ATXN3: variants seen among roughly 807,000 people sequenced by gnomAD.
ATXN3 encodes the protein ataxin 3.
A neutral mutation model predicts 58.2 loss-of-function variants in ATXN3; 28 were observed. That is an observed-to-expected ratio of 0.48 (90% CI 0.36 to 0.66). The LOEUF is 0.66. Among genes scored for constraint, ATXN3 ranks in the 30% least tolerant of loss-of-function variants. The pLI, the probability that ATXN3 is intolerant of heterozygous loss-of-function variation, is 0.00. For synonymous variants in ATXN3, 113 were observed against 138.5 expected (o/e 0.82, Z 1.29); for missense variants, 321 against 422.1 (o/e 0.76, Z 2.10).
intron 9 of ATXN3, among the ~76,000 whole-genome samples, chr14:92,074,012 CAAA>C (rs554711538): frequency 0.052 from 3,851 of 74,572 alleles, 194 homozygotes; most frequent in African/African-American, 0.16. Flanking sequence ...GACTCCACCT[CAAA>C]AAAAAAAAAA....
At position 92,100,245 on chromosome 14, in the gene ATXN3, G is replaced by T. The variant is rs77970066; in HGVS notation, c.25-3407C>A. Among the ~76,000 whole-genome samples the T allele has an allele frequency of 8.5e-5, 13 of 152,212 alleles. No individual in the cohort carries two copies. In the East Asian group the frequency reaches 2.5e-3, roughly 29 times the overall value. ...AAAGCTTAATATATACATCTCCTATGATCTAGCAATTCCATTACTAGGTAC... is the reference window on the plus strand; with the variant it reads ...AAAGCTTAATATATACATCTCCTATTATCTAGCAATTCCATTACTAGGTAC... On this transcript the variant is annotated intron_variant, in intron 1 of 10. Transcript: ENST00000644486.
At chr14:92,073,647 G>C (rs1434814933) in intron 9 of ATXN3, 1 of 152,188 alleles carries the variant, frequency 6.6e-6, no homozygotes, top group Non-Finnish European at 1.5e-5. Flanking sequence ...GACCAGCCTG[G>C]CCAACATGGT....
chr14:92,065,026 A>G (rs1463990906), intron 10 of ATXN3, among the ~76,000 whole-genome samples: 1 of 152,224 alleles, frequency 6.6e-6, no homozygotes, highest in Non-Finnish European at 1.5e-5. Context: ...ACGTGTATTC[A>G]TGTAACCACC....
chr14:92,081,151 C>A, intron 8 of ATXN3, 90 bp from the exon 9 acceptor site: 1 of 883,760 alleles, frequency 1.1e-6, no homozygotes, highest in Non-Finnish European at 1.8e-6. Context: ...TTGAGTAAGC[C>A]TTTAAAACGT....
chr14:92,075,174 T>G (rs2060138970), intron 9 of ATXN3, among the ~76,000 whole-genome samples: 1 of 113,180 alleles, frequency 8.8e-6, no homozygotes, highest in Non-Finnish European at 1.8e-5. Context: ...TTTTTTTTTT[T>G]TTTTTTTGAG....
intron 5 of ATXN3, among the ~76,000 whole-genome samples, chr14:92,091,361 G>A (rs1277440578): frequency 1.3e-5 from 2 of 151,980 alleles, no homozygotes; most frequent in African/African-American, 4.8e-5. Flanking sequence ...TGAGACAAGA[G>A]AATTGCTTGA....
chr14:92,069,072 G>C, intron 10 of ATXN3, among the ~76,000 whole-genome samples: 1 of 144,134 alleles, frequency 6.9e-6, no homozygotes, highest in Admixed American at 6.8e-5. Context: ...GATGAATAAA[G>C]ATGCTATAAT....
chr14:92,048,747 G>A (rs1434695333), intron 1 of ATXN3, among the ~76,000 whole-genome samples: 5 of 152,128 alleles, frequency 3.3e-5, no homozygotes, highest in African/African-American at 9.7e-5. Context: ...TATAGGGTGG[G>A]GGACCGGAGG....
intron 5 of ATXN3, among the ~76,000 whole-genome samples, chr14:92,090,215 G>A (rs4420459): frequency 0.28 from 42,898 of 151,852 alleles, 6,378 homozygotes; most frequent in East Asian, 0.44. Flanking sequence ...TGATTCTCTC[G>A]CTTCATCCTC....
At chr14:92,074,660 T>C (rs906615904) in intron 9 of ATXN3, among the ~76,000 whole-genome samples, 35 of 152,222 alleles carry the variant, frequency 2.3e-4, no homozygotes, top group African/African-American at 7.2e-5. Context: ...TTTCTTAAGA[T>C]TATGTAAACC....
intron 1 of ATXN3, among the ~76,000 whole-genome samples, chr14:92,104,173 C>T (rs567753088): frequency 2.0e-5 from 3 of 152,248 alleles, no homozygotes; most frequent in African/African-American, 7.2e-5. Context: ...CGGAGTCTCG[C>T]TCTGTTGCCC....
At chr14:92,065,002 T>C (rs564963926) in intron 10 of ATXN3, among the ~76,000 whole-genome samples, 4 of 152,364 alleles carry the variant, frequency 2.6e-5, no homozygotes, top group Admixed American at 2.0e-4. Context: ...TAGTTCTACA[T>C]GGCATTTTAT....
At chr14:92,081,345 C>G (rs528611560) in intron 8 of ATXN3, among the ~76,000 whole-genome samples, 1 of 142,336 alleles carries the variant, frequency 7.0e-6, no homozygotes, top group African/African-American at 2.7e-5. Context: ...TGGTGGTAGG[C>G]GCCTGTAGTC....
At chr14:92,070,565 C>T (rs1171341203) in intron 10 of ATXN3, among the ~76,000 whole-genome samples, 1 of 152,070 alleles carries the variant, frequency 6.6e-6, no homozygotes, top group South Asian at 2.1e-4. Flanking sequence ...GGTGACAGAG[C>T]AAGACTCCAT....
intron 1 of ATXN3, among the ~76,000 whole-genome samples, chr14:92,101,412 C>A (rs1260657842): frequency 6.6e-6 from 1 of 152,128 alleles, no homozygotes; most frequent in East Asian, 1.9e-4. Flanking sequence ...TCCACATGGA[C>A]CAAAAGAATT....
At chr14:92,064,512 G>C (rs1298481621) in intron 10 of ATXN3, 98 bp from the exon 11 acceptor site, 5 of 909,920 alleles carry the variant, frequency 5.5e-6, no homozygotes, top group Non-Finnish European at 8.6e-6. Context: ...ATTTGAGCAC[G>C]AGTTTCTTTT....
At chr14:92,072,908 T>C (rs1009758061) in intron 9 of ATXN3, among the ~76,000 whole-genome samples, 1 of 152,246 alleles carries the variant, frequency 6.6e-6, no homozygotes, top group African/African-American at 2.4e-5. Context: ...TAATGAGAAC[T>C]GCAATTTCTC....
chr14:92,106,319 C>A (rs1163441347), intron 1 of ATXN3, among the ~76,000 whole-genome samples: 2 of 151,980 alleles, frequency 1.3e-5, no homozygotes, highest in East Asian at 3.9e-4. Context: ...CCTCCCGGCT[C>A]CCAGGGCGGG....
upstream of ATXN3, among the ~76,000 whole-genome samples, chr14:92,053,492 CTTTT>C (rs540092730): frequency 7.4e-6 from 1 of 134,792 alleles, no homozygotes; most frequent in Non-Finnish European, 1.6e-5. Flanking sequence ...TTCTTTCTTT[CTTTT>C]TTTTTTTTTT....
Sources: allele counts gnomAD v4.1 joint callset (sites outside exome capture counted in the v4.1 genomes callset), GRCh38; gene constraint gnomAD v4.1.1; transcripts MANE v1.5; gene names NCBI Gene and HGNC (gene_info 2026-07-23, HGNC 2026-07-21).